The following VIPR1 variants were observed in gnomAD, a reference collection of about 807,000 sequenced individuals.
VIPR1 encodes the protein vasoactive intestinal peptide receptor 1.
A neutral mutation model predicts 58.8 loss-of-function variants in VIPR1; 59 were observed. That is an observed-to-expected ratio of 1.00 (90% confidence interval 0.81 to 1.25). The LOEUF (loss-of-function observed/expected upper bound fraction) is 1.25. Ranked by LOEUF, VIPR1 falls within the 50% of genes most tolerant of loss-of-function variation. The pLI, the probability that VIPR1 is intolerant of heterozygous loss-of-function variation, is 0.00. For missense variants in VIPR1, 626 were observed against 602.7 expected (o/e 1.04, Z -0.40); for synonymous variants, 251 against 242.1 (o/e 1.04, Z -0.34).
intron 1 of VIPR1, among the ~76,000 whole-genome samples, chr3:42,508,404 A>C (rs1700216378): frequency 6.6e-6 from 1 of 152,182 alleles, no homozygotes; most frequent in Non-Finnish European, 1.5e-5. Context: ...AGGCTCTGCC[A>C]CCTCGTGAAG....
upstream of VIPR1, among the ~76,000 whole-genome samples, chr3:42,499,080 G>A (rs916605870): frequency 3.3e-5 from 5 of 152,048 alleles, no homozygotes; most frequent in African/African-American, 1.2e-4. Flanking sequence ...CAACTCAGAA[G>A]CCCGGAGAAA....
At chr3:42,530,973 G>A (rs755726855) in intron 7 of VIPR1, 41 bp downstream of exon 7, 1 of 1,609,122 alleles carries the variant, frequency 6.2e-7, no homozygotes, top group Non-Finnish European at 8.5e-7. Context: ...GGACAGAGGG[G>A]GCAAGGCCTG....
At chr3:42,491,281 A>G (rs1699659798) in intron 1 of VIPR1, among the ~76,000 whole-genome samples, 1 of 152,262 alleles carries the variant, frequency 6.6e-6, no homozygotes, top group Non-Finnish European at 1.5e-5. Context: ...AGGAATGAAA[A>G]TTAAATAATG....
chr3:42,497,243 A>C (rs781101260), intron 1 of VIPR1, among the ~76,000 whole-genome samples: 1 of 152,126 alleles, frequency 6.6e-6, no homozygotes, highest in Non-Finnish European at 1.5e-5. Context: ...GAGAGGATGC[A>C]GTGCTGTCTG....
intron 4 of VIPR1, 92 bp downstream of exon 4, chr3:42,526,085 C>T: frequency 1.6e-6 from 2 of 1,255,892 alleles, no homozygotes; most frequent in Non-Finnish European, 2.2e-6. Context: ...TGGTTGCTGT[C>T]TGTGTGGGAA....
intron 12 of VIPR1, 86 bp downstream of exon 12, chr3:42,535,470 A>G: frequency 6.9e-7 from 1 of 1,454,076 alleles, no homozygotes; most frequent in Non-Finnish European, 9.7e-7. Flanking sequence ...GTGCAGAGCA[A>G]GGACGGGTTA....
intron 12 of VIPR1, 68 bp from the exon 13 acceptor site, chr3:42,536,022 C>A (rs1256548610): frequency 6.7e-7 from 1 of 1,488,024 alleles, no homozygotes; most frequent in South Asian, 1.3e-5. Context: ...ACCCTAAGTC[C>A]AGGGCAGCCC....
intron 1 of VIPR1, among the ~76,000 whole-genome samples, chr3:42,495,173 G>C (rs543054256): frequency 2.0e-5 from 3 of 152,232 alleles, no homozygotes; most frequent in Admixed American, 2.0e-4. Context: ...CCAGGCTGGA[G>C]TGCAGTGGCA....
At chr3:42,527,350 T>A in intron 4 of VIPR1, 43 bp from the exon 5 acceptor site, 5 of 1,504,068 alleles carry the variant, frequency 3.3e-6, no homozygotes, top group Non-Finnish European at 4.6e-6. Context: ...TAGATGAGCC[T>A]CCCACCCCAC....
chr3:42,517,562 C>A (rs1700694980), intron 2 of VIPR1, among the ~76,000 whole-genome samples: 2 of 152,248 alleles, frequency 1.3e-5, no homozygotes, highest in South Asian at 4.1e-4. Context: ...CCAGGCTCTG[C>A]AAGGCTGTGG....
chr3:42,531,295 C>G, intron 7 of VIPR1, 176 bp from the exon 8 acceptor site: 2 of 680,536 alleles, frequency 2.9e-6, no homozygotes, highest in Non-Finnish European at 2.6e-6. Flanking sequence ...GCTTCACCCC[C>G]TCAGTGGAGC....
chr3:42,532,675 T>A, intron 10 of VIPR1: 1 of 385,706 alleles, frequency 2.6e-6, no homozygotes, highest in South Asian at 3.3e-5. Flanking sequence ...GTGCCTCACA[T>A]GGAAAAAGGG....
chr3:42,535,398 A>G lies in VIPR1; in HGVS notation c.1182+14A>G. ...CTCAATGGTGAGGTAAGCCCCTCCC[A>G]GTCCTTGGGGCTTAGGCAATGGAAC... On this transcript the variant is annotated intron_variant, in intron 12 of 12. Coordinates refer to ENST00000325123, the MANE Select transcript of VIPR1 (RefSeq NM_004624.4). The G allele has an allele frequency of 6.2e-7, 1 of 1,613,792 alleles. No individual in the cohort carries two copies. Among genetic ancestry groups the G allele is most frequent in the African/African-American group, 1.3e-5 (1 of 75,026 alleles).
intron 3 of VIPR1, chr3:42,521,441 C>T (rs1700912171): frequency 6.6e-6 from 1 of 152,172 alleles, no homozygotes; most frequent in Non-Finnish European, 1.5e-5. Flanking sequence ...CAGTGTTCTC[C>T]TGAGCAAGTA....
At chr3:42,516,257 G>A (rs1239197520) in intron 2 of VIPR1, among the ~76,000 whole-genome samples, 1 of 152,164 alleles carries the variant, frequency 6.6e-6, no homozygotes, top group African/African-American at 2.4e-5. Flanking sequence ...CATGTGTGAT[G>A]GGACCTATGG....
intron 1 of VIPR1, among the ~76,000 whole-genome samples, chr3:42,496,411 C>G (rs868257172): frequency 3.9e-4 from 59 of 152,214 alleles, no homozygotes; most frequent in Admixed American, 3.1e-3. Context: ...ATAAAAGTAA[C>G]ATTGTATCAT....
At chr3:42,524,468 G>T (rs761428680) in intron 3 of VIPR1, among the ~76,000 whole-genome samples, 27 of 152,158 alleles carry the variant, frequency 1.8e-4, no homozygotes, top group African/African-American at 6.5e-4. Context: ...TGCCCTCCCT[G>T]GGCCATGCGG....
chr3:42,504,902 C>CAAAAAAAAAA (rs56310463), intron 1 of VIPR1, among the ~76,000 whole-genome samples: 1 of 52,962 alleles, frequency 1.9e-5, no homozygotes, highest in South Asian at 7.5e-4. Context: ...AAAAGGGAGG[C>CAAAAAAAAAA]AAAAAAAAAA....
At chr3:42,520,596 A>T (rs2125656468) in intron 3 of VIPR1, among the ~76,000 whole-genome samples, 1 of 152,092 alleles carries the variant, frequency 6.6e-6, no homozygotes, top group South Asian at 2.1e-4. Flanking sequence ...AATGAGCCTT[A>T]GGGAAGAGAG....
Sources: gnomAD v4.1 joint callset for allele counts (sites outside exome capture counted in the v4.1 genomes callset) on GRCh38, gnomAD v4.1.1 for gene constraint, MANE v1.5 for transcripts, NCBI Gene and HGNC (gene_info 2026-07-23, HGNC 2026-07-21) for gene names.